Variants in TBC1D4 observed in about 807,000 individuals in gnomAD.
TBC1D4 encodes the protein TBC (Tre-2, BUB2, CDC16) domain-containing protein.
A neutral mutation model predicts 142.5 loss-of-function variants in TBC1D4; 121 were observed. The observed-to-expected ratio is 0.85, with a 90% confidence interval of 0.73 to 0.99. TBC1D4 has a LOEUF of 0.99. Ranked by LOEUF, TBC1D4 falls within the 50% of genes least tolerant of loss-of-function variation. The probability of loss-of-function intolerance (pLI) is 0.00; values close to 1 mark genes in which losing one functional copy is unlikely to be tolerated. For synonymous variants in TBC1D4, 630 were observed against 628.2 expected (o/e 1.00, Z -0.04); for missense variants, 1,475 against 1,606.6 (o/e 0.92, Z 1.40).
intron 4 of TBC1D4, among the ~76,000 whole-genome samples, chr13:75,352,735 G>T (rs112852477): frequency 6.6e-6 from 1 of 152,086 alleles, no homozygotes; most frequent in African/African-American, 2.4e-5. Flanking sequence ...ACACTATACT[G>T]TTTACAAATT....
At position 75,284,443 on chromosome 13, in the gene TBC1D4, T is replaced by C. The variant is rs1874498711; in HGVS notation, c.*2349A>G. On this transcript the variant is annotated 3_prime_UTR_variant, in exon 21 of 21. Transcript: ENST00000377636. ...CGATTCTCTTAAGGAACACAAAACA[T>C]AGATCTCCTGCATGCACAGTTCACA... Among the ~76,000 whole-genome samples, 2 of 152,170 alleles carry C rather than the reference T, an allele frequency of 1.3e-5. No individual in the cohort carries two copies. Among genetic ancestry groups the C allele is most frequent in the South Asian group, 2.1e-4 (1 of 4,830 alleles).
At chr13:75,409,991 T>C (rs1593855315) in intron 1 of TBC1D4, among the ~76,000 whole-genome samples, 2 of 152,320 alleles carry the variant, frequency 1.3e-5, no homozygotes, top group East Asian at 1.9e-4. Context: ...GATTTTTAAA[T>C]TTGTTCACCA....
At chr13:75,447,912 A>T (rs747536995) in intron 1 of TBC1D4, among the ~76,000 whole-genome samples, 130 of 152,240 alleles carry the variant, frequency 8.5e-4, no homozygotes, top group Non-Finnish European at 1.5e-3. Context: ...TTGCAAAAAA[A>T]CCAGCTCAGG....
At position 75,356,165 on chromosome 13, in the gene TBC1D4, C is replaced by G. The variant is rs754913520; in HGVS notation, c.1257G>C (p.Gln419His). 6.2e-7 allele frequency: 1 copy of G among 1,613,554 alleles called. No individual in the cohort carries two copies. The highest frequency in any genetic ancestry group is 8.5e-7 in the Non-Finnish European group (1 of 1,179,700). Residue 419 changes from glutamine (Q) to histidine (H), a missense_variant, in exon 4 of 21, where the codon CAG becomes CAC. By Grantham distance (24) the Gln-to-His change is conservative (BLOSUM62 0). This residue lies in a region of TBC1D4 where 1,227 missense variants were observed against 1,267.7 expected (regional missense o/e 0.97). Coordinates refer to ENST00000377636, the MANE Select transcript of TBC1D4 (RefSeq NM_014832.5). Reference sequence around the variant, plus strand: ...TACTTACCAGAGATTCGCTGGCACACTGGAATACATAACAAATATACTGGC... The same window carrying G: ...TACTTACCAGAGATTCGCTGGCACAGTGGAATACATAACAAATATACTGGC... Reference protein sequence around the residue: ...GLSQYICYVFQCASESLVDEV... With the variant: ...GLSQYICYVFHCASESLVDEV...
intron 11 of TBC1D4, among the ~76,000 whole-genome samples, chr13:75,323,887 G>GA (rs1435492612): frequency 6.0e-5 from 9 of 149,730 alleles, no homozygotes; most frequent in Admixed American, 5.3e-4. Flanking sequence ...AAAGGCCAAG[G>GA]AAAAAAAAAG....
chr13:75,404,161 T>C (rs1347017144), intron 1 of TBC1D4, among the ~76,000 whole-genome samples: 1 of 152,156 alleles, frequency 6.6e-6, no homozygotes, highest in African/African-American at 2.4e-5. Context: ...AATCACTAGA[T>C]TTTTTAAAAA....
intron 16 of TBC1D4, 88 bp downstream of exon 16, chr13:75,302,155 A>G: frequency 6.5e-7 from 1 of 1,529,964 alleles, no homozygotes; most frequent in Admixed American, 1.7e-5. Context: ...GCTCTTTATC[A>G]GCACCAAGAA....
intron 1 of TBC1D4, among the ~76,000 whole-genome samples, chr13:75,402,278 A>G (rs1419015182): frequency 6.6e-6 from 1 of 152,216 alleles, no homozygotes. Flanking sequence ...AATATACAAC[A>G]AGGTGTCAAA....
At chr13:75,325,414 G>GTTT (rs540771610) in intron 10 of TBC1D4, among the ~76,000 whole-genome samples, 1 of 145,342 alleles carries the variant, frequency 6.9e-6, no homozygotes, top group African/African-American at 2.5e-5. Context: ...ATCGAGTTGT[G>GTTT]TTTTTTTTTT....
chr13:75,299,466 T>C lies in TBC1D4; in HGVS notation c.3020A>G (p.Tyr1007Cys). Residue 1007 changes from tyrosine (Y) to cysteine (C), a missense_variant, in exon 17 of 21, where the codon TAC becomes TGC. Physicochemically the swap from Tyr to Cys is radical, Grantham distance 194. Transcript: ENST00000377636. ...AYSLLDKEVG[Y>C]CQGISFVAGV... is the part of the protein sequence containing the mutation. ...AGCCACAAAGCTGATCCCCTGACAG[T>C]ATCCCACTTCTTTGTCCAGCAAAGA... 1 of 1,614,218 alleles carries C rather than the reference T, an allele frequency of 6.2e-7. No homozygotes were observed. Among genetic ancestry groups the C allele is most frequent in the Non-Finnish European group, 8.5e-7 (1 of 1,180,042 alleles).
chr13:75,367,062 T>C (rs1193552215), intron 1 of TBC1D4: 2 of 831,912 alleles, frequency 2.4e-6, no homozygotes, highest in African/African-American at 1.8e-5. Context: ...GTCCACGTTA[T>C]CACTATGCAG....
At chr13:75,371,676 G>A (rs1013384649) in intron 1 of TBC1D4, among the ~76,000 whole-genome samples, 2 of 152,076 alleles carry the variant, frequency 1.3e-5, no homozygotes, top group Non-Finnish European at 2.9e-5. Context: ...TGCTAAATGT[G>A]ACCCCTACAT....
chr13:75,358,027 G>A (rs1882192189), intron 3 of TBC1D4, among the ~76,000 whole-genome samples: 1 of 150,790 alleles, frequency 6.6e-6, no homozygotes, highest in Admixed American at 6.6e-5. Context: ...GCTGCCCAAT[G>A]AGCATTGCGA....
intron 1 of TBC1D4, among the ~76,000 whole-genome samples, chr13:75,442,037 G>T (rs1887062679): frequency 6.6e-6 from 1 of 152,140 alleles, no homozygotes; most frequent in African/African-American, 2.4e-5. Context: ...CCATTTCAGA[G>T]CTACTCAAAT....
At chr13:75,447,653 G>A (rs985536541) in intron 1 of TBC1D4, among the ~76,000 whole-genome samples, 4 of 152,052 alleles carry the variant, frequency 2.6e-5, no homozygotes, top group African/African-American at 4.8e-5. Context: ...GGACCTAGGC[G>A]TCACAGCAGG....
At chr13:75,318,121 C>T (rs1377188593) in intron 12 of TBC1D4, among the ~76,000 whole-genome samples, 2 of 152,216 alleles carry the variant, frequency 1.3e-5, no homozygotes, top group African/African-American at 4.8e-5. Flanking sequence ...GACTATTGTA[C>T]AGAATGGAGA....
chr13:75,407,281 T>C (rs1885393120), intron 1 of TBC1D4, among the ~76,000 whole-genome samples: 1 of 152,194 alleles, frequency 6.6e-6, no homozygotes, highest in African/African-American at 2.4e-5. Context: ...AATAGACTAA[T>C]AGACCAAGAG....
At chr13:75,414,223 T>A (rs7321494) in intron 1 of TBC1D4, among the ~76,000 whole-genome samples, 121,242 of 152,184 alleles carry the variant, frequency 0.8, 48,812 homozygotes, top group East Asian at 0.97. Context: ...ATGACACCAC[T>A]AAAACAGCTG....
intron 15 of TBC1D4, among the ~76,000 whole-genome samples, chr13:75,304,849 A>G (rs1471879471): frequency 6.6e-6 from 1 of 152,218 alleles, no homozygotes; most frequent in Non-Finnish European, 1.5e-5. Flanking sequence ...AAGAAATAGC[A>G]AAGGACATAT....
Sources: gnomAD v4.1 joint callset for allele counts (sites outside exome capture counted in the v4.1 genomes callset) on GRCh38, gnomAD v4.1.1 for gene constraint, gnomAD v4.1.1 regional missense constraint, MANE v1.5 for transcripts, NCBI Gene and HGNC (gene_info 2026-07-23, HGNC 2026-07-21) for gene names.